The following TNS3 variants were observed in gnomAD, a reference collection of about 807,000 sequenced individuals.
The protein encoded by TNS3 is tensin 3, also known as tensin-3.
Under a neutral mutation model 140.9 loss-of-function variants are expected in TNS3, and 45 were observed. The ratio of observed to expected loss-of-function variants is 0.32; its 90% CI spans 0.25 to 0.41. TNS3 has a LOEUF of 0.41. TNS3 is among the 10% of genes least tolerant of loss of function. The pLI is 1.00. For synonymous variants in TNS3, 815 were observed against 788.4 expected (o/e 1.03, Z -0.56); for missense variants, 1,716 against 1,906.7 (o/e 0.90, Z 1.86).
intron 2 of TNS3, among the ~76,000 whole-genome samples, chr7:47,509,826 G>A (rs1798545737): frequency 6.6e-6 from 1 of 152,002 alleles, no homozygotes; most frequent in Admixed American, 6.6e-5. Flanking sequence ...ACCCTTCTGT[G>A]CCACTGAACC....
chr7:47,515,339 C>T (rs573170553), intron 2 of TNS3, among the ~76,000 whole-genome samples: 3 of 152,296 alleles, frequency 2.0e-5, no homozygotes. Flanking sequence ...CCATCAGTAT[C>T]ATCACGATCA....
chr7:47,475,974 T>G (rs1478053601), intron 4 of TNS3, among the ~76,000 whole-genome samples: 1 of 152,198 alleles, frequency 6.6e-6, no homozygotes, highest in African/African-American at 2.4e-5. Context: ...CTCATCAGAC[T>G]GGTTCTCTCC....
intron 2 of TNS3, among the ~76,000 whole-genome samples, chr7:47,511,163 T>C (rs1436488548): frequency 6.6e-6 from 1 of 152,224 alleles, no homozygotes; most frequent in African/African-American, 2.4e-5. Context: ...ACAGTGAAAC[T>C]GAACTTTAAG....
At chr7:47,558,232 G>C (rs954650665) in intron 1 of TNS3, among the ~76,000 whole-genome samples, 1 of 152,208 alleles carries the variant, frequency 6.6e-6, no homozygotes, top group Non-Finnish European at 1.5e-5. Flanking sequence ...GTCCTGATAA[G>C]AGCAAGCTAC....
At chr7:47,331,838 A>T (rs1052457186) in intron 20 of TNS3, among the ~76,000 whole-genome samples, 1 of 152,178 alleles carries the variant, frequency 6.6e-6, no homozygotes, top group South Asian at 2.1e-4. Context: ...GTGTCACTAA[A>T]ATGTGATAGA....
intron 3 of TNS3, among the ~76,000 whole-genome samples, chr7:47,489,711 C>T (rs1398561975): frequency 6.6e-6 from 1 of 152,218 alleles, no homozygotes; most frequent in Non-Finnish European, 1.5e-5. Flanking sequence ...AAATGTGAAC[C>T]TATTGTTGGA....
chr7:47,500,390 C>T (rs1798167850), intron 3 of TNS3, among the ~76,000 whole-genome samples: 1 of 152,218 alleles, frequency 6.6e-6, no homozygotes, highest in Non-Finnish European at 1.5e-5. Flanking sequence ...GTGCTGGCCG[C>T]GTGAGCTGGG....
chr7:47,289,884 A>G (rs1785604235), intron 27 of TNS3, among the ~76,000 whole-genome samples: 1 of 152,254 alleles, frequency 6.6e-6, no homozygotes, highest in African/African-American at 2.4e-5. Context: ...GTGGATATTA[A>G]CAAAGTGATT....
chr7:47,483,589 C>T (rs1797505855), intron 3 of TNS3, among the ~76,000 whole-genome samples: 1 of 152,210 alleles, frequency 6.6e-6, no homozygotes, highest in Non-Finnish European at 1.5e-5. Context: ...AAGCCTTGTG[C>T]AATGTCAGAA....
chr7:47,551,905 G>A (rs768476062), intron 1 of TNS3, among the ~76,000 whole-genome samples: 10 of 152,124 alleles, frequency 6.6e-5, no homozygotes, highest in Admixed American at 3.3e-4. Context: ...GCAGGGGTGG[G>A]GTGGAGAGGG....
intron 1 of TNS3, among the ~76,000 whole-genome samples, chr7:47,546,724 G>A (rs1294889869): frequency 2.6e-5 from 4 of 152,150 alleles, no homozygotes; most frequent in African/African-American, 9.7e-5. Context: ...CTCATCCCAT[G>A]TCTGCAGTGA....
In TNS3 at chr7:47,303,216, C is replaced by A. The variant is rs199598042; in HGVS notation, c.3191G>T (p.Gly1064Val). 1 of 1,613,728 alleles carries A rather than the reference C, an allele frequency of 6.2e-7. No individual in the cohort carries two copies. The highest frequency in any genetic ancestry group is 8.5e-7 in the Non-Finnish European group (1 of 1,180,014). ...PLTATGAADN[G>V]FLSHNFLTVA... ...CGTGAGAAAGTTGTGGGACAGGAAG[C>A]CATTGTCGGCAGCCCCTGTCGCTGT... Residue 1064 changes from glycine (G) to valine (V), a missense_variant, in exon 22 of 31, where the codon GGC (glycine) becomes GTC (valine). Coordinates refer to ENST00000311160, the MANE Select transcript of TNS3 (RefSeq NM_022748.12).
intron 16 of TNS3, among the ~76,000 whole-genome samples, chr7:47,377,110 A>G (rs1408935133): frequency 6.6e-6 from 1 of 152,150 alleles, no homozygotes; most frequent in African/African-American, 2.4e-5. Context: ...TCCCTAGGTC[A>G]CCCTCAAATG....
At chr7:47,428,274 T>C (rs1376917417) in intron 9 of TNS3, 38 bp downstream of exon 9, 3 of 1,369,568 alleles carry the variant, frequency 2.2e-6, no homozygotes, top group East Asian at 5.5e-5. Flanking sequence ...GCCCAGCTTT[T>C]AGCACCTCAA....
Position 47,562,675 on chromosome 7 carries a change from G to A in TNS3, c.-265+19376C>T, listed in dbSNP as rs59425745. Among the ~76,000 whole-genome samples, 96 of 152,204 alleles carry A rather than the reference G, an allele frequency of 6.3e-4. No individual in the cohort carries two copies. The East Asian group carries it at 0.017, about 27-fold the overall frequency. ...GCTGGGATTACAGGCATGAGCCACC[G>A]CACCAGGCCTAGTCTGCTGCCTTCT... On this transcript the variant is annotated intron_variant, in intron 1 of 30. Coordinates refer to ENST00000311160, the MANE Select transcript of TNS3 (RefSeq NM_022748.12).
In TNS3 at chr7:47,400,478, T is replaced by G. The variant is rs1330895173; in HGVS notation, c.854-20A>C. 2 of 1,612,200 alleles carry G rather than the reference T, an allele frequency of 1.2e-6. No homozygotes were observed. Among genetic ancestry groups the G allele is most frequent in the African/African-American group, 2.7e-5 (2 of 74,904 alleles). Reference sequence around the variant, plus strand: ...GGTCATCTGAAAAAAACAATGTATTTTAACACATTTGTGGAGACAATTAAC... The same window carrying G: ...GGTCATCTGAAAAAAACAATGTATTGTAACACATTTGTGGAGACAATTAAC... On this transcript the variant is annotated intron_variant, in intron 14 of 30. Transcript: ENST00000311160.
chr7:47,322,383 G>A (rs764868597), intron 20 of TNS3, among the ~76,000 whole-genome samples: 7 of 152,036 alleles, frequency 4.6e-5, no homozygotes, highest in Non-Finnish European at 8.8e-5. Flanking sequence ...TTAGCCGGGC[G>A]TGGTAGTTCA....
chr7:47,402,033 T>C (rs1793195796), intron 13 of TNS3, among the ~76,000 whole-genome samples: 1 of 152,004 alleles, frequency 6.6e-6, no homozygotes. Context: ...CAACAGTAAA[T>C]GAGAAGCCAC....
chr7:47,419,605 T>C (rs1330941455), intron 10 of TNS3, among the ~76,000 whole-genome samples: 1 of 152,334 alleles, frequency 6.6e-6, no homozygotes, highest in East Asian at 1.9e-4. Flanking sequence ...TGAAAGCGGC[T>C]TGAATTCTGC....
Sources: gnomAD v4.1 joint callset for allele counts (sites outside exome capture counted in the v4.1 genomes callset) on GRCh38, gnomAD v4.1.1 for gene constraint, MANE v1.5 for transcripts, NCBI Gene and HGNC (gene_info 2026-07-23, HGNC 2026-07-21) for gene names.